The following SIPA1L1 variants were observed in gnomAD, a reference collection of about 807,000 sequenced individuals.
The protein encoded by SIPA1L1 is signal-induced proliferation-associated 1-like protein 1.
In SIPA1L1, 26 loss-of-function variants were observed where a neutral mutation model predicts 162.7. The ratio of observed to expected loss-of-function variants is 0.16; its 90% confidence interval spans 0.12 to 0.22. The LOEUF is 0.22. Among genes scored for constraint, SIPA1L1 ranks in the 10% least tolerant of loss-of-function variants. The pLI, the probability that SIPA1L1 is intolerant of heterozygous loss-of-function variation, is 1.00. For missense variants in SIPA1L1, 1,874 were observed against 2,241.0 expected (o/e 0.84, Z 3.31); for synonymous variants, 829 against 837.4 (o/e 0.99, Z 0.17).
chr14:71,360,644 A>G (rs2037722387), intron 2 of SIPA1L1, among the ~76,000 whole-genome samples: 2 of 152,212 alleles, frequency 1.3e-5, no homozygotes, highest in Admixed American at 1.3e-4. Context: ...TTATGTGTGT[A>G]AGTATGTGCA....
intron 2 of SIPA1L1, among the ~76,000 whole-genome samples, chr14:71,446,921 T>G (rs1437366497): frequency 2.7e-5 from 3 of 112,582 alleles, no homozygotes; most frequent in Admixed American, 1.8e-4. Flanking sequence ...TTTTTTTTTT[T>G]TTTTTTTTGA....
chr14:71,536,723 C>G (rs752723084), intron 4 of SIPA1L1, among the ~76,000 whole-genome samples: 18 of 152,160 alleles, frequency 1.2e-4, no homozygotes, highest in Non-Finnish European at 2.1e-4. Context: ...GTTGCAGTCC[C>G]TTCCATTGAG....
chr14:71,411,334 G>C (rs2140300941), intron 2 of SIPA1L1, among the ~76,000 whole-genome samples: 1 of 152,266 alleles, frequency 6.6e-6, no homozygotes, highest in East Asian at 1.9e-4. Flanking sequence ...TTCATATCGT[G>C]CACTACAACT....
rs1412740007 is a variant in SIPA1L1, at chr14:71,740,239, A to C, written c.*1078A>C. Reference sequence around the variant, plus strand: ...TTAGGAATAATGACTGTGATACTAGAATGGGCTTTTGAAACCTGCATGTCC... The same window carrying C: ...TTAGGAATAATGACTGTGATACTAGCATGGGCTTTTGAAACCTGCATGTCC... On this transcript the variant is annotated 3_prime_UTR_variant, in exon 24 of 24. Transcript: ENST00000381232. The C allele has an allele frequency of 6.6e-6, 1 of 152,242 alleles. No individual in the cohort carries two copies. The allele number at this position is 152,242 out of a possible 1,614,324, so 9.4% of individuals were successfully genotyped here.
chr14:71,637,773 TG>T (rs1275582465), intron 7 of SIPA1L1, among the ~76,000 whole-genome samples: 19 of 151,980 alleles, frequency 1.3e-4, no homozygotes, highest in Middle Eastern at 3.4e-3. Context: ...GGGAAAAACA[TG>T]GTATATAGTT....
intron 8 of SIPA1L1, among the ~76,000 whole-genome samples, chr14:71,654,743 A>G (rs149040882): frequency 6.6e-6 from 1 of 152,334 alleles, no homozygotes; most frequent in Non-Finnish European, 1.5e-5. Flanking sequence ...AGCTCTATAC[A>G]AATATGAAGT....
chr14:71,735,146 A>G (rs1196210609), intron 21 of SIPA1L1, 131 bp from the exon 22 acceptor site: 1 of 651,070 alleles, frequency 1.5e-6, no homozygotes, highest in African/African-American at 1.8e-5. Context: ...AGGGTTGGGA[A>G]ATAAGATTTC....
intron 3 of SIPA1L1, among the ~76,000 whole-genome samples, chr14:71,520,225 G>A (rs2052183453): frequency 6.6e-6 from 1 of 152,080 alleles, no homozygotes; most frequent in African/African-American, 2.4e-5. Context: ...AATTACAAAG[G>A]GGGAAAGAAT....
At chr14:71,598,403 C>T (rs2036298445) in intron 5 of SIPA1L1, 1 of 180,098 alleles carries the variant, frequency 5.6e-6, no homozygotes, top group South Asian at 1.9e-4. Flanking sequence ...ACCTGGCAGA[C>T]ACAGCCTTAC....
At chr14:71,495,886 C>CAAAAAAAAAA (rs61183823) in intron 2 of SIPA1L1, among the ~76,000 whole-genome samples, 32 of 37,964 alleles carry the variant, frequency 8.4e-4, no homozygotes, top group East Asian at 1.5e-3. Flanking sequence ...TCCATCTCTA[C>CAAAAAAAAAA]AAAAAAAAAA....
At chr14:71,487,150 T>C (rs1217955198) in intron 2 of SIPA1L1, among the ~76,000 whole-genome samples, 1 of 152,224 alleles carries the variant, frequency 6.6e-6, no homozygotes, top group Non-Finnish European at 1.5e-5. Flanking sequence ...ACCTGGAAAC[T>C]TCTTTTGATC....
chr14:71,511,727 C>T (rs1270309942), intron 2 of SIPA1L1, among the ~76,000 whole-genome samples: 2 of 152,134 alleles, frequency 1.3e-5, no homozygotes, highest in Admixed American at 1.3e-4. Context: ...AACCCCTGAA[C>T]CGCTTTGGAA....
chr14:71,680,578 A>G (rs2045702274), intron 12 of SIPA1L1, among the ~76,000 whole-genome samples: 1 of 152,216 alleles, frequency 6.6e-6, no homozygotes, highest in African/African-American at 2.4e-5. Context: ...AATAACTAAG[A>G]TCAGAGAAGA....
At chr14:71,371,105 G>T (rs904498973) in intron 2 of SIPA1L1, among the ~76,000 whole-genome samples, 2 of 152,048 alleles carry the variant, frequency 1.3e-5, no homozygotes, top group African/African-American at 4.8e-5. Flanking sequence ...GATAAATAAT[G>T]CTGTTTTCTC....
intron 7 of SIPA1L1, 84 bp from the exon 8 acceptor site, chr14:71,650,251 G>GT: frequency 7.4e-7 from 1 of 1,349,310 alleles, no homozygotes; most frequent in Non-Finnish European, 1.1e-6. Context: ...TTCTGGGCAT[G>GT]TGCCCTATAG....
At chr14:71,552,055 C>T (rs1163143393) in intron 4 of SIPA1L1, among the ~76,000 whole-genome samples, 5 of 152,134 alleles carry the variant, frequency 3.3e-5, no homozygotes, top group African/African-American at 7.2e-5. Flanking sequence ...TCTCACTCTC[C>T]CCTACTAGAC....
chr14:71,416,392 G>GT (rs2042764513), intron 2 of SIPA1L1: 1 of 151,714 alleles, frequency 6.6e-6, no homozygotes, highest in Admixed American at 6.6e-5. Flanking sequence ...TTTTTTATGG[G>GT]TTTTAATACA....
At chr14:71,615,689 C>T (rs1596438795) in intron 5 of SIPA1L1, among the ~76,000 whole-genome samples, 1 of 152,110 alleles carries the variant, frequency 6.6e-6, no homozygotes, top group African/African-American at 2.4e-5. Context: ...GTGGGACAAA[C>T]GGTTCCATTA....
At chr14:71,556,416 T>A (rs1252707166) in intron 4 of SIPA1L1, among the ~76,000 whole-genome samples, 1 of 152,186 alleles carries the variant, frequency 6.6e-6, no homozygotes, top group Non-Finnish European at 1.5e-5. Flanking sequence ...AGTGTCAGAT[T>A]CCACAGGTTG....
Sources: gnomAD v4.1 joint callset for allele counts (sites outside exome capture counted in the v4.1 genomes callset) on GRCh38, gnomAD v4.1.1 for gene constraint, MANE v1.5 for transcripts, NCBI Gene and HGNC (gene_info 2026-07-23, HGNC 2026-07-21) for gene names.